MBD5: variants seen among roughly 807,000 people sequenced by gnomAD.
MBD5 encodes the protein methyl-CpG-binding domain protein 5.
Under a neutral mutation model 117.3 loss-of-function variants are expected in MBD5, and 13 were observed. The observed-to-expected ratio is 0.11, with a 90% CI of 0.07 to 0.18. The LOEUF is 0.18. MBD5 is among the 10% of genes least tolerant of loss of function. MBD5 has a pLI of 1.00. For synonymous variants in MBD5, 727 were observed against 766.4 expected, an observed-to-expected ratio of 0.95 and a Z score of 0.85; for missense variants, 1,879 against 2,093.8, an observed-to-expected ratio of 0.90 and a Z score of 2.00.
chr2:148,120,988 T>C (rs1696755701), intron 1 of MBD5, among the ~76,000 whole-genome samples: 2 of 152,202 alleles, frequency 1.3e-5, no homozygotes, highest in Admixed American at 1.3e-4. Context: ...GATTTAAAAA[T>C]ACTCACAGCA....
At chr2:148,261,367 A>C (rs1374310655) in intron 3 of MBD5, among the ~76,000 whole-genome samples, 1 of 152,238 alleles carries the variant, frequency 6.6e-6, no homozygotes, top group Non-Finnish European at 1.5e-5. Flanking sequence ...GATCTTAGCT[A>C]GATCTTCTAG....
chr2:148,424,924 A>G (rs973402925), intron 4 of MBD5, among the ~76,000 whole-genome samples: 1 of 152,238 alleles, frequency 6.6e-6, no homozygotes, highest in Non-Finnish European at 1.5e-5. Flanking sequence ...TTCCCACAAG[A>G]GAAAGCGGGA....
intron 1 of MBD5, among the ~76,000 whole-genome samples, chr2:148,142,230 C>G (rs1174968788): frequency 6.6e-6 from 1 of 152,070 alleles, no homozygotes; most frequent in Non-Finnish European, 1.5e-5. Context: ...GGATATGAGT[C>G]TGCACATTGA....
intron 4 of MBD5, among the ~76,000 whole-genome samples, chr2:148,356,493 T>G (rs1703384042): frequency 6.6e-6 from 1 of 152,170 alleles, no homozygotes; most frequent in Non-Finnish European, 1.5e-5. Context: ...TTTAATCCAT[T>G]TTTTAATTCA....
rs34805724 is a variant in MBD5, at chr2:148,188,682, C to CA, written c.-831+9910dup. 5.4e-3 allele frequency among the ~76,000 whole-genome samples: 570 copies of CA among 104,738 alleles called. 8 individuals carry two copies. Among genetic ancestry groups the CA allele is most frequent in the African/African-American group, 0.019 (548 of 28,110 alleles). The allele number at this position is 104,738 out of a possible 152,430, so 68.7% of individuals were successfully genotyped here. A position where few individuals can be genotyped will look rare whatever the true frequency, so the allele number is the denominator to read the frequency against. On this transcript the variant is annotated intron_variant, in intron 2 of 13. Transcript: ENST00000642680. ...TGGGCAACAGTGTGAGACCCTGTCTCAAAAAAAAAAAAAAAAAAAAATCAA... is the reference window on the plus strand; with the variant it reads ...TGGGCAACAGTGTGAGACCCTGTCTCAAAAAAAAAAAAAAAAAAAAAATCAA...
intron 4 of MBD5, among the ~76,000 whole-genome samples, chr2:148,377,182 A>T (rs962533520): frequency 6.6e-6 from 1 of 152,094 alleles, no homozygotes; most frequent in Non-Finnish European, 1.5e-5. Flanking sequence ...CCCAAAGCTG[A>T]AGAACCTGGA....
chr2:148,259,982 T>C (rs1032019883), intron 3 of MBD5, among the ~76,000 whole-genome samples: 7 of 152,208 alleles, frequency 4.6e-5, no homozygotes, highest in Non-Finnish European at 1.0e-4. Context: ...ATCTTCTTAT[T>C]AGCGAGGGGT....
At chr2:148,306,693 G>A (rs62182829) in intron 3 of MBD5, among the ~76,000 whole-genome samples, 10,838 of 152,134 alleles carry the variant, frequency 0.071, 492 homozygotes, top group Admixed American at 0.12. Context: ...ATAAAAATTA[G>A]TTCATTCAGT....
Position 148,178,785 on chromosome 2 carries a change from G to A in MBD5, c.-839G>A, listed in dbSNP as rs1698447353. The A allele has an allele frequency of 2.5e-6, 1 of 398,266 alleles. No homozygotes were observed. The highest frequency in any genetic ancestry group is 2.1e-5 in the African/African-American group (1 of 48,578). 24.7% of individuals were successfully genotyped at this position (398,266 alleles called of 1,614,324 possible). A position where few individuals can be genotyped will look rare whatever the true frequency, so the allele number is the denominator to read the frequency against. On this transcript the variant is annotated 5_prime_UTR_variant, in exon 2 of 14. Coordinates refer to ENST00000642680, the MANE Select transcript of MBD5 (RefSeq NM_001378120.1). ...TACAGACAAGATCTTTAGAAGATAA[G>A]CACTAAAGGTAAGTAGTAACTATAG... is the stretch of plus-strand genomic sequence containing the variant.
At chr2:148,200,610 G>A (rs556393988) in intron 2 of MBD5, among the ~76,000 whole-genome samples, 1 of 151,452 alleles carries the variant, frequency 6.6e-6, no homozygotes. Flanking sequence ...GGAGAATGGC[G>A]TGAGCCTAGG....
At chr2:148,418,776 A>G (rs1214858993) in intron 4 of MBD5, among the ~76,000 whole-genome samples, 1 of 152,238 alleles carries the variant, frequency 6.6e-6, no homozygotes, top group Non-Finnish European at 1.5e-5. Context: ...AAAAAACAAT[A>G]TCATGAAAAT....
At chr2:148,040,429 T>G (rs982342030) in intron 1 of MBD5, among the ~76,000 whole-genome samples, 5 of 152,172 alleles carry the variant, frequency 3.3e-5, no homozygotes, top group Non-Finnish European at 7.4e-5. Flanking sequence ...GTGTGTATAC[T>G]ATATGGACAG....
intron 3 of MBD5, among the ~76,000 whole-genome samples, chr2:148,245,170 G>A (rs1700307061): frequency 6.6e-6 from 1 of 152,192 alleles, no homozygotes; most frequent in African/African-American, 2.4e-5. Context: ...AGGATGGCTT[G>A]AGCTTAGGAT....
chr2:148,245,152 G>A lies in MBD5; in HGVS notation c.-680+11757G>A, dbSNP rs184537312. ...TGTAATCCCAGCAGTTTGGAAGACC[G>A]AGGCAGGAGGATGGCTTGAGCTTAG... On this transcript the variant is annotated intron_variant, in intron 3 of 13. Coordinates refer to ENST00000642680, the MANE Select transcript of MBD5 (RefSeq NM_001378120.1). Among the ~76,000 whole-genome samples, 154 of 152,290 alleles carry A rather than the reference G, an allele frequency of 1.0e-3. 1 individual carries two copies. The highest frequency in any genetic ancestry group is 3.5e-3 in the African/African-American group (145 of 41,574).
chr2:148,182,239 A>T (rs575765459), intron 2 of MBD5, among the ~76,000 whole-genome samples: 6 of 152,314 alleles, frequency 3.9e-5, no homozygotes, highest in Middle Eastern at 3.4e-3. Context: ...TCTTATAAAT[A>T]GCTATTGAAC....
At chr2:148,069,119 A>T (rs1413705520) in intron 1 of MBD5, among the ~76,000 whole-genome samples, 2 of 152,200 alleles carry the variant, frequency 1.3e-5, no homozygotes, top group Non-Finnish European at 2.9e-5. Context: ...AGAATATCTG[A>T]TTCCCTTACT....
Position 148,483,831 on chromosome 2 carries a change from A to T in MBD5, c.3240A>T (p.Ser1080=). 1.0e-5 allele frequency: 16 copies of T among 1,550,612 alleles called. No homozygotes were observed. The highest frequency in any genetic ancestry group is 1.4e-5 in the Non-Finnish European group (16 of 1,146,986). ...TCCTCCCAGCTGTCAATGGGGCCTC[A>T]GGATTAATGACCTTGAATCCCCAGC... The part of the protein sequence containing the change: ...PLFLPAVNGA[S]GLMTLNPQLL... The change falls in exon 9 of 14, where the codon TCA becomes TCT. Residue 1080 remains serine, a synonymous_variant. Coordinates refer to ENST00000642680, the MANE Select transcript of MBD5 (RefSeq NM_001378120.1).
intron 3 of MBD5, among the ~76,000 whole-genome samples, chr2:148,289,622 A>T (rs1045170703): frequency 6.6e-6 from 1 of 152,210 alleles, no homozygotes; most frequent in Non-Finnish European, 1.5e-5. Context: ...TATCCACAGG[A>T]AACTTTACAA....
At position 148,114,221 on chromosome 2, in the gene MBD5, G is replaced by A. The variant is rs561398563; in HGVS notation, c.-924-64479G>A. ...ATGGTGGCTCACACCTGTAATCCCA[G>A]CACTTTTGGGAGGCCAAGGCAGGCG... On this transcript the variant is annotated intron_variant, in intron 1 of 13. Coordinates refer to ENST00000642680, the MANE Select transcript of MBD5 (RefSeq NM_001378120.1). 3.3e-5 allele frequency among the ~76,000 whole-genome samples: 5 copies of A among 152,310 alleles called. No individual in the cohort carries two copies. The East Asian group carries it at 9.6e-4, about 29-fold the overall frequency.
Sources: gnomAD v4.1 joint callset for allele counts (sites outside exome capture counted in the v4.1 genomes callset) on GRCh38, gnomAD v4.1.1 for gene constraint, MANE v1.5 for transcripts, NCBI Gene and HGNC (gene_info 2026-07-23, HGNC 2026-07-21) for gene names.